Variants in POU2F1 observed in about 807,000 individuals in gnomAD.
The protein encoded by POU2F1 is POU domain, class 2, transcription factor 1.
A neutral mutation model predicts 84.9 loss-of-function variants in POU2F1; 16 were observed. That is an observed-to-expected ratio of 0.19 (90% CI 0.13 to 0.29). POU2F1 has a LOEUF of 0.29. Ranked by LOEUF, POU2F1 falls within the 10% of genes least tolerant of loss-of-function variation. The pLI is 1.00. For synonymous variants in POU2F1, 368 were observed against 368.3 expected (o/e 1.00, Z 0.01); for missense variants, 738 against 942.6 (o/e 0.78, Z 2.84).
chr1:167,374,449 C>G (rs1571394744), intron 6 of POU2F1, among the ~76,000 whole-genome samples, 153 bp downstream of exon 6: 1 of 152,288 alleles, frequency 6.6e-6, no homozygotes, highest in Middle Eastern at 3.4e-3. Context: ...TTCCTTACCA[C>G]TGAATTAGAA....
At chr1:167,393,934 A>G (rs549517839) in intron 9 of POU2F1, among the ~76,000 whole-genome samples, 6 of 152,344 alleles carry the variant, frequency 3.9e-5, no homozygotes, top group Middle Eastern at 3.4e-3. Flanking sequence ...CATAAGTTCA[A>G]TGCTTGACAT....
chr1:167,280,296 CT>C (rs1257777611), intron 1 of POU2F1, among the ~76,000 whole-genome samples: 2 of 148,744 alleles, frequency 1.3e-5, no homozygotes, highest in Non-Finnish European at 3.0e-5. Context: ...AGCAAATATG[CT>C]TGGTGTTTGA....
rs1648276372 is a variant in POU2F1, at chr1:167,222,209, G to A, written c.61+1251G>A. Among the ~76,000 whole-genome samples, 3 of 152,174 alleles carry A rather than the reference G, an allele frequency of 2.0e-5. No homozygotes were observed. In the South Asian group the frequency reaches 6.2e-4, roughly 32 times the overall value. On this transcript the variant is annotated intron_variant, in intron 1 of 15. Transcript: ENST00000367866. Reference sequence around the variant, plus strand: ...TCGTATTCTCGATTTCCTCTCTCCTGTTGGGAGTCGGTGGGGAGGGACGGG... The same window carrying A: ...TCGTATTCTCGATTTCCTCTCTCCTATTGGGAGTCGGTGGGGAGGGACGGG...
intron 1 of POU2F1, among the ~76,000 whole-genome samples, chr1:167,273,710 A>G (rs1652532269): frequency 6.6e-6 from 1 of 152,224 alleles, no homozygotes; most frequent in South Asian, 2.1e-4. Context: ...TTGTTGGGAA[A>G]GTAACTGGGA....
rs201220998 is a variant in POU2F1 at position 167,280,549 on chromosome 1, C to T, written c.62-51921C>T. ...GGTATGAACAGTATTATGACAGTTA[C>T]CTTTAAAACGATAGGCAACACTGGG... On this transcript the variant is annotated intron_variant, in intron 1 of 15. Transcript: ENST00000367866. Among the ~76,000 whole-genome samples the T allele has an allele frequency of 5.9e-5, 9 of 152,168 alleles. No individual in the cohort carries two copies. In the East Asian group the frequency reaches 1.7e-3, roughly 29 times the overall value.
At chr1:167,311,548 G>A (rs145614022) in intron 1 of POU2F1, among the ~76,000 whole-genome samples, 2 of 152,060 alleles carry the variant, frequency 1.3e-5, no homozygotes, top group Admixed American at 6.5e-5. Flanking sequence ...GTATATAACC[G>A]AGATCCCATA....
At chr1:167,251,304 T>C (rs1209070675) in intron 1 of POU2F1, among the ~76,000 whole-genome samples, 1 of 151,878 alleles carries the variant, frequency 6.6e-6, no homozygotes, top group Non-Finnish European at 1.5e-5. Context: ...GAGGCTGAGG[T>C]GGGAGGATTG....
At chr1:167,316,521 A>G (rs903363615) in intron 1 of POU2F1, among the ~76,000 whole-genome samples, 3 of 152,210 alleles carry the variant, frequency 2.0e-5, no homozygotes, top group Admixed American at 6.5e-5. Context: ...TTTTAGACAG[A>G]TCGAGGTTAA....
chr1:167,326,869 A>C (rs185239504), intron 1 of POU2F1, among the ~76,000 whole-genome samples: 1 of 152,376 alleles, frequency 6.6e-6, no homozygotes, highest in East Asian at 1.9e-4. Flanking sequence ...GGTAGTTTAG[A>C]GATGTTATTA....
rs35406032 is a variant in POU2F1, at chr1:167,392,895, C to T, written c.987+3134C>T. ...GCTCTGTGTCCAATTTATTTATATA[C>T]ACACACAAAGTTTTAGCCATTAAAG... On this transcript the variant is annotated intron_variant, in intron 9 of 15. Transcript: ENST00000367866. 9.8e-3 allele frequency among the ~76,000 whole-genome samples: 1,488 copies of T among 152,230 alleles called. 12 individuals are homozygous for T. Among genetic ancestry groups the T allele is most frequent in the Non-Finnish European group, 0.013 (915 of 68,004 alleles).
chr1:167,251,602 T>A (rs1486033187), intron 1 of POU2F1, among the ~76,000 whole-genome samples: 1 of 152,106 alleles, frequency 6.6e-6, no homozygotes, highest in Non-Finnish European at 1.5e-5. Context: ...ATGGTCTCTG[T>A]ATATCAAGTA....
chr1:167,397,859 T>A, intron 10 of POU2F1, 135 bp from the exon 11 acceptor site: 1 of 916,004 alleles, frequency 1.1e-6, no homozygotes. Context: ...AGCAATATTG[T>A]AATGTAGGTT....
chr1:167,224,998 T>G (rs576616656), intron 1 of POU2F1, among the ~76,000 whole-genome samples: 107 of 152,212 alleles, frequency 7.0e-4, no homozygotes, highest in African/African-American at 2.4e-3. Flanking sequence ...CCGGCTAATT[T>G]TTGTATTTTT....
chr1:167,255,175 A>G (rs552463597), intron 1 of POU2F1, among the ~76,000 whole-genome samples: 1 of 152,338 alleles, frequency 6.6e-6, no homozygotes, highest in South Asian at 2.1e-4. Flanking sequence ...ATAGGTACTC[A>G]AAATAGGTAA....
At chr1:167,322,097 T>G (rs1459578057) in intron 1 of POU2F1, among the ~76,000 whole-genome samples, 1 of 152,214 alleles carries the variant, frequency 6.6e-6, no homozygotes, top group Non-Finnish European at 1.5e-5. Flanking sequence ...GATTGAAATG[T>G]CCATTCCTGT....
chr1:167,349,867 G>T (rs901847402), intron 2 of POU2F1, among the ~76,000 whole-genome samples: 1 of 152,144 alleles, frequency 6.6e-6, no homozygotes, highest in African/African-American at 2.4e-5. Context: ...TCATAGTCTT[G>T]TGTATATGGG....
chr1:167,313,302 C>T (rs576821465), intron 1 of POU2F1, among the ~76,000 whole-genome samples: 50 of 152,232 alleles, frequency 3.3e-4, no homozygotes, highest in African/African-American at 1.2e-3. Context: ...TTCTCACAGA[C>T]TTTTTTTCTA....
chr1:167,394,042 A>G (rs996886978), intron 9 of POU2F1, among the ~76,000 whole-genome samples: 8 of 151,104 alleles, frequency 5.3e-5, no homozygotes, highest in African/African-American at 1.5e-4. Context: ...TTTTTGAGAC[A>G]GAGTCTCACT....
intron 1 of POU2F1, among the ~76,000 whole-genome samples, chr1:167,246,484 T>C (rs1378787128): frequency 1.3e-5 from 2 of 152,324 alleles, no homozygotes; most frequent in East Asian, 3.8e-4. Flanking sequence ...GCTTAAAAAA[T>C]ATTGAATGAA....
Sources: allele counts gnomAD v4.1 joint callset (sites outside exome capture counted in the v4.1 genomes callset), GRCh38; gene constraint gnomAD v4.1.1; transcripts MANE v1.5; gene names NCBI Gene and HGNC (gene_info 2026-07-23, HGNC 2026-07-21).